ZFPM2: variants seen among roughly 807,000 people sequenced by gnomAD.
ZFPM2 encodes zinc finger protein, FOG family member 2, also known as zinc finger protein ZFPM2.
In ZFPM2, 20 loss-of-function variants were observed where a neutral mutation model predicts 98.6. The observed-to-expected ratio is 0.20, with a 90% CI of 0.14 to 0.29. The LOEUF (loss-of-function observed/expected upper bound fraction) is 0.29. Ranked by LOEUF, ZFPM2 falls within the 10% of genes least tolerant of loss-of-function variation. The pLI, the probability that ZFPM2 is intolerant of heterozygous loss-of-function variation, is 1.00. For missense variants in ZFPM2, 1,310 were observed against 1,388.6 expected (o/e 0.94, Z 0.90); for synonymous variants, 518 against 502.7 (o/e 1.03, Z -0.41).
chr8:105,394,568 A>G (rs533366924), intron 1 of ZFPM2, among the ~76,000 whole-genome samples: 7 of 152,332 alleles, frequency 4.6e-5, no homozygotes, highest in Non-Finnish European at 7.3e-5. Context: ...AATGTATCAA[A>G]CAAAACTTTT....
chr8:105,798,481 G>T (rs1586280439), intron 6 of ZFPM2: 3 of 420,346 alleles, frequency 7.1e-6, no homozygotes, highest in Non-Finnish European at 1.3e-5. Flanking sequence ...TCAATATCTT[G>T]TGTTTTAAAT....
At chr8:105,424,660 T>C (rs1440768050) in intron 2 of ZFPM2, among the ~76,000 whole-genome samples, 1 of 152,238 alleles carries the variant, frequency 6.6e-6, no homozygotes, top group Non-Finnish European at 1.5e-5. Flanking sequence ...GCCCCATAAG[T>C]AATTAATACC....
At chr8:105,513,904 C>T (rs1387354932) in intron 3 of ZFPM2, among the ~76,000 whole-genome samples, 2 of 152,048 alleles carry the variant, frequency 1.3e-5, no homozygotes, top group African/African-American at 4.8e-5. Context: ...CACTCACTCT[C>T]ATTCTGCAGA....
chr8:105,644,830 T>A (rs1298277905), intron 5 of ZFPM2, among the ~76,000 whole-genome samples: 2 of 152,116 alleles, frequency 1.3e-5, no homozygotes, highest in Non-Finnish European at 2.9e-5. Flanking sequence ...ATGTGTACAC[T>A]CATCCCATTA....
chr8:105,585,313 A>C (rs1815688725), intron 4 of ZFPM2, among the ~76,000 whole-genome samples: 1 of 152,108 alleles, frequency 6.6e-6, no homozygotes, highest in Admixed American at 6.6e-5. Flanking sequence ...GTTTTGTTTT[A>C]TTAGTTTTTT....
At chr8:105,562,117 C>T (rs1460567652) in intron 4 of ZFPM2, among the ~76,000 whole-genome samples, 3 of 151,656 alleles carry the variant, frequency 2.0e-5, no homozygotes, top group Non-Finnish European at 4.4e-5. Flanking sequence ...ACCAGCTTGG[C>T]CAAACATGGC....
chr8:105,445,786 G>A (rs1176731943), intron 3 of ZFPM2, among the ~76,000 whole-genome samples: 1 of 151,670 alleles, frequency 6.6e-6, no homozygotes, highest in Non-Finnish European at 1.5e-5. Flanking sequence ...TATATTTTTT[G>A]TAGAGACTGG....
At chr8:105,509,471 C>A (rs1813770282) in intron 3 of ZFPM2, among the ~76,000 whole-genome samples, 1 of 152,078 alleles carries the variant, frequency 6.6e-6, no homozygotes, top group East Asian at 1.9e-4. Flanking sequence ...GGGGGAATTG[C>A]TCGTAATGTT....
intron 1 of ZFPM2, among the ~76,000 whole-genome samples, chr8:105,372,278 G>A (rs931472255): frequency 1.8e-4 from 27 of 151,892 alleles, no homozygotes; most frequent in East Asian, 5.8e-4. Context: ...TGCTGACTTC[G>A]TGATCCACCT....
intron 1 of ZFPM2, among the ~76,000 whole-genome samples, chr8:105,333,470 A>G (rs903399691): frequency 1.7e-4 from 26 of 151,888 alleles, no homozygotes; most frequent in African/African-American, 6.3e-4. Flanking sequence ...ATCGAGAGGC[A>G]AAAATGTTCA....
intron 6 of ZFPM2, among the ~76,000 whole-genome samples, chr8:105,795,246 TTGTGTGTGTGTGTGTGTGTGTG>T (rs780534248): frequency 9.7e-4 from 134 of 138,320 alleles, no homozygotes; most frequent in African/African-American, 3.5e-3. Context: ...CATTTTATCT[TTGTGTGTGTGTGTGTGTGTGTG>T]TGTGTGTGTG....
rs1813571471 is a variant in ZFPM2, at chr8:105,500,598, T to G, written c.301+56217T>G. 2.6e-5 allele frequency among the ~76,000 whole-genome samples: 4 copies of G among 152,238 alleles called. No homozygotes were observed. In the South Asian group the frequency reaches 8.3e-4, roughly 32 times the overall value. On this transcript the variant is annotated intron_variant, in intron 3 of 7. Coordinates refer to ENST00000407775, the MANE Select transcript of ZFPM2 (RefSeq NM_012082.4). ...AATAAAAAGAGACAGAACGTTAGGT[T>G]TTAAGAAGTGATAATATATGGGTTA...
intron 5 of ZFPM2, among the ~76,000 whole-genome samples, chr8:105,646,130 T>C (rs1817040347): frequency 6.7e-6 from 1 of 149,012 alleles, no homozygotes; most frequent in Non-Finnish European, 1.5e-5. Context: ...GGGACACGTG[T>C]TCAAAAAAAA....
chr8:105,797,253 C>A (rs1339541002), intron 6 of ZFPM2: 1 of 152,160 alleles, frequency 6.6e-6, no homozygotes, highest in Non-Finnish European at 1.5e-5. Flanking sequence ...GGAAAAAACA[C>A]ACGTGAAGAA....
chr8:105,658,586 CAAAAAAA>C lies in ZFPM2; in HGVS notation c.532+24248_532+24254del, dbSNP rs773181953. On this transcript the variant is annotated intron_variant, in intron 5 of 7. Coordinates refer to ENST00000407775, the MANE Select transcript of ZFPM2 (RefSeq NM_012082.4). ...CCTGGGCGACAGCGAGACTCCGTCT[CAAAAAAA>C]AAAAAAAAAAAAAAAAAAGAAATCA... Among the ~76,000 whole-genome samples the C allele has an allele frequency of 1.1e-3, 9 of 7,906 alleles. 1 individual carries two copies. The highest frequency in any genetic ancestry group is 1.8e-3 in the Non-Finnish European group (9 of 4,884). The allele number at this position is 7,906 out of a possible 152,430, so 5.2% of individuals were successfully genotyped here. A position where few individuals can be genotyped will look rare whatever the true frequency, so the allele number is the denominator to read the frequency against.
chr8:105,420,414 G>T (rs1475337668), intron 2 of ZFPM2, among the ~76,000 whole-genome samples: 2 of 152,054 alleles, frequency 1.3e-5, no homozygotes, highest in African/African-American at 4.8e-5. Flanking sequence ...AAAGATGTCA[G>T]TCAGCTCCCA....
intron 3 of ZFPM2, among the ~76,000 whole-genome samples, chr8:105,463,023 AT>A (rs1336737059): frequency 3.3e-5 from 5 of 152,102 alleles, no homozygotes; most frequent in African/African-American, 7.2e-5. Flanking sequence ...AATAAAAAAA[AT>A]ATAAAATGGT....
At chr8:105,566,053 C>A (rs1293395619) in intron 4 of ZFPM2, among the ~76,000 whole-genome samples, 1 of 152,106 alleles carries the variant, frequency 6.6e-6, no homozygotes, top group African/African-American at 2.4e-5. Context: ...TGCAGGGAGG[C>A]CAGTCTTTTT....
intron 6 of ZFPM2, among the ~76,000 whole-genome samples, chr8:105,797,652 C>A (rs1312846235): frequency 3.3e-5 from 5 of 152,142 alleles, no homozygotes; most frequent in African/African-American, 1.2e-4. Context: ...CCTCCCAGCT[C>A]CTCTCTCAGG....
Sources: gnomAD v4.1 joint callset for allele counts (sites outside exome capture counted in the v4.1 genomes callset) on GRCh38, gnomAD v4.1.1 for gene constraint, MANE v1.5 for transcripts, NCBI Gene and HGNC (gene_info 2026-07-23, HGNC 2026-07-21) for gene names.